RBM33: variants seen among roughly 807,000 people sequenced by gnomAD.
RBM33 encodes RNA binding motif protein 33.
A neutral mutation model predicts 132.6 loss-of-function variants in RBM33; 28 were observed. That is an observed-to-expected ratio of 0.21 (90% CI 0.16 to 0.29). The LOEUF (loss-of-function observed/expected upper bound fraction) is 0.29, where lower values mean the gene tolerates loss of function less well. RBM33 is among the 10% of genes least tolerant of loss of function. RBM33 has a pLI of 1.00. For missense variants in RBM33, 1,291 were observed against 1,518.5 expected, an observed-to-expected ratio of 0.85 and a Z score of 2.49; for synonymous variants, 634 against 593.0, an observed-to-expected ratio of 1.07 and a Z score of -1.01.
intron 16 of RBM33, among the ~76,000 whole-genome samples, chr7:155,770,251 G>T (rs1199967586): frequency 9.9e-5 from 15 of 152,182 alleles, no homozygotes; most frequent in Non-Finnish European, 1.5e-5. Context: ...GGCTGGAGTT[G>T]CCCAGAGCAC....
chr7:155,685,055 A>G (rs1799436435), intron 5 of RBM33: 2 of 1,548,696 alleles, frequency 1.3e-6, no homozygotes, highest in Non-Finnish European at 1.7e-6. Flanking sequence ...CTGAAGAGGT[A>G]TTTGTTCATC....
chr7:155,688,659 C>A (rs1006911752), intron 5 of RBM33, among the ~76,000 whole-genome samples: 1 of 152,238 alleles, frequency 6.6e-6, no homozygotes, highest in South Asian at 2.1e-4. Flanking sequence ...CCATCAATAC[C>A]TAATTTATTG....
At chr7:155,656,356 G>A (rs563251990) in intron 1 of RBM33, among the ~76,000 whole-genome samples, 4 of 126,614 alleles carry the variant, frequency 3.2e-5, no homozygotes, top group Admixed American at 7.9e-5. Flanking sequence ...TACAAGACAC[G>A]CTTGGACTTT....
chr7:155,724,434 A>G (rs562627770), intron 9 of RBM33, among the ~76,000 whole-genome samples: 1 of 152,346 alleles, frequency 6.6e-6, no homozygotes, highest in South Asian at 2.1e-4. Context: ...AAGCTGAGGC[A>G]GGAGAATCGC....
At position 155,673,687 on chromosome 7, in the gene RBM33, T is replaced by TAC. The variant is rs370862721; in HGVS notation, c.171+778_171+779dup. 5.6e-5 allele frequency among the ~76,000 whole-genome samples: 7 copies of TAC among 125,440 alleles called. 2 individuals are homozygous for TAC. The highest frequency in any genetic ancestry group is 2.0e-4 in the African/African-American group (6 of 29,554). 82.3% of individuals were successfully genotyped at this position (125,440 alleles called of 152,430 possible). ...ATATACATACACACGTGTATATATATACACACATATATACATACACACGTG... is the reference window on the plus strand; with the variant it reads ...ATATACATACACACGTGTATATATATACACACACATATATACATACACACGTG... On this transcript the variant is annotated intron_variant, in intron 3 of 17. Coordinates refer to ENST00000401878, the MANE Select transcript of RBM33 (RefSeq NM_053043.3).
In RBM33 at chr7:155,772,898, G is replaced by A. The variant is rs1563185855; in HGVS notation, c.3376-1661G>A. ...ACTGGAAGACACCTTTTTCGGGAGT[G>A]TTTGAGTATTCTTTTAGAGCTCTGC... On this transcript the variant is annotated intron_variant, in intron 16 of 17. Transcript: ENST00000401878. 2.0e-5 allele frequency among the ~76,000 whole-genome samples: 3 copies of A among 152,184 alleles called. 1 individual carries two copies. Among genetic ancestry groups the A allele is most frequent in the Admixed American group, 1.3e-4 (2 of 15,280 alleles).
chr7:155,737,245 C>CGCGT (rs1554481864), intron 9 of RBM33, among the ~76,000 whole-genome samples: 142 of 149,260 alleles, frequency 9.5e-4, no homozygotes, highest in Non-Finnish European at 1.6e-3. Context: ...TCTAGGTGCG[C>CGCGT]GTGTGTGTGT....
chr7:155,646,169 CTT>C (rs1466306883), intron 1 of RBM33, among the ~76,000 whole-genome samples: 2 of 152,086 alleles, frequency 1.3e-5, no homozygotes, highest in East Asian at 3.8e-4. Context: ...TATTTTTTCT[CTT>C]TTCTTTCAGT....
chr7:155,729,123 G>T (rs1005832243), intron 9 of RBM33, among the ~76,000 whole-genome samples: 38 of 152,306 alleles, frequency 2.5e-4, no homozygotes, highest in Admixed American at 1.7e-3. Flanking sequence ...CCTTCTTCAC[G>T]TGGTGGCAGG....
chr7:155,738,656 A>G (rs116881246), intron 11 of RBM33: 26,995 of 472,118 alleles, frequency 0.057, 1,048 homozygotes, highest in Non-Finnish European at 0.067. Context: ...TTTAAAGGGT[A>G]TACTACTAAT....
chr7:155,753,283 C>T (rs1801741023), intron 14 of RBM33, among the ~76,000 whole-genome samples: 1 of 152,208 alleles, frequency 6.6e-6, no homozygotes, highest in Non-Finnish European at 1.5e-5. Context: ...GTCCTCCTTT[C>T]TAGATTTGCA....
chr7:155,647,813 C>T (rs1798243625), intron 1 of RBM33, among the ~76,000 whole-genome samples: 1 of 152,132 alleles, frequency 6.6e-6, no homozygotes, highest in Non-Finnish European at 1.5e-5. Flanking sequence ...GAGAGAATGA[C>T]AACTGTTATT....
intron 12 of RBM33, among the ~76,000 whole-genome samples, chr7:155,740,250 CTG>C (rs1256060966): frequency 4.6e-5 from 7 of 152,200 alleles, no homozygotes; most frequent in Admixed American, 6.5e-5. Context: ...GTCTCAAAGA[CTG>C]TGTTAATATT....
chr7:155,660,732 T>C (rs1037177489), intron 1 of RBM33, among the ~76,000 whole-genome samples: 3 of 152,236 alleles, frequency 2.0e-5, no homozygotes, highest in African/African-American at 7.2e-5. Flanking sequence ...TTGAGTTTAT[T>C]ATCATTTGAG....
At chr7:155,707,691 C>G (rs373330029) in intron 7 of RBM33, among the ~76,000 whole-genome samples, 9 of 152,272 alleles carry the variant, frequency 5.9e-5, no homozygotes, top group African/African-American at 1.2e-4. Context: ...AGTCTCCCCT[C>G]TGTTGCCCAG....
chr7:155,712,266 C>T (rs60578756), intron 8 of RBM33, among the ~76,000 whole-genome samples: 3,779 of 152,234 alleles, frequency 0.025, 145 homozygotes, highest in African/African-American at 0.085. Context: ...AAATACAGAT[C>T]TGATTATTAC....
At chr7:155,709,683 C>T (rs1800221967) in intron 7 of RBM33, among the ~76,000 whole-genome samples, 1 of 152,076 alleles carries the variant, frequency 6.6e-6, no homozygotes, top group Admixed American at 6.6e-5. Flanking sequence ...CTTGGGTGTC[C>T]CTGTGTCTGT....
intron 12 of RBM33, among the ~76,000 whole-genome samples, 197 bp downstream of exon 12, chr7:155,740,223 T>TA (rs546060115): frequency 2.6e-5 from 4 of 152,268 alleles, no homozygotes; most frequent in Admixed American, 6.5e-5. Context: ...CAAGAATTGA[T>TA]AAGATACTCC....
intron 3 of RBM33, among the ~76,000 whole-genome samples, chr7:155,674,418 C>A (rs977671088): frequency 6.6e-6 from 1 of 151,936 alleles, no homozygotes; most frequent in Admixed American, 6.6e-5. Context: ...CTTTTTTCTT[C>A]GTATTTAAGA....
Sources: gnomAD v4.1 joint callset for allele counts (sites outside exome capture counted in the v4.1 genomes callset) on GRCh38, gnomAD v4.1.1 for gene constraint, MANE v1.5 for transcripts, NCBI Gene and HGNC (gene_info 2026-07-23, HGNC 2026-07-21) for gene names.